The following NUP93 variants were observed in gnomAD, a reference collection of about 807,000 sequenced individuals.
NUP93 encodes nuclear pore complex protein Nup93.
Under a neutral mutation model 107.8 loss-of-function variants are expected in NUP93, and 55 were observed. The ratio of observed to expected loss-of-function variants is 0.51; its 90% CI spans 0.41 to 0.64. The LOEUF (loss-of-function observed/expected upper bound fraction) is 0.64. Ranked by LOEUF, NUP93 falls within the 30% of genes least tolerant of loss-of-function variation. NUP93 has a pLI of 0.00. For synonymous variants in NUP93, 390 were observed against 397.5 expected, an observed-to-expected ratio of 0.98 and a Z score of 0.22; for missense variants, 937 against 1,044.7, an observed-to-expected ratio of 0.90 and a Z score of 1.42.
At chr16:56,776,205 G>A (rs1386940989) in intron 3 of NUP93, among the ~76,000 whole-genome samples, 1 of 150,312 alleles carries the variant, frequency 6.7e-6, no homozygotes, top group Non-Finnish European at 1.5e-5. Context: ...ATTATAACCT[G>A]ATAATGAAAG....
chr16:56,796,846 C>T (rs1265896480), intron 3 of NUP93, among the ~76,000 whole-genome samples: 2 of 152,078 alleles, frequency 1.3e-5, no homozygotes, highest in Non-Finnish European at 1.5e-5. Flanking sequence ...AGTGGTGGCA[C>T]GTGCCGGTAG....
At chr16:56,807,242 C>T (rs1963162998) in intron 5 of NUP93, among the ~76,000 whole-genome samples, 2 of 152,220 alleles carry the variant, frequency 1.3e-5, no homozygotes, top group African/African-American at 2.4e-5. Context: ...CAGGAATGCT[C>T]TTCCCCCAAA....
At chr16:56,773,022 C>T (rs1425429173) in intron 3 of NUP93, among the ~76,000 whole-genome samples, 3 of 152,148 alleles carry the variant, frequency 2.0e-5, no homozygotes, top group Admixed American at 2.0e-4. Context: ...CCATAAAAAC[C>T]CAAAAGGAAG....
chr16:56,746,239 A>C (rs1216573764), intron 1 of NUP93, among the ~76,000 whole-genome samples: 2 of 152,126 alleles, frequency 1.3e-5, no homozygotes, highest in East Asian at 1.9e-4. Flanking sequence ...GGTTTCGTGT[A>C]ATTAGTAGAA....
intron 1 of NUP93, among the ~76,000 whole-genome samples, chr16:56,740,170 A>T (rs1307101484): frequency 7.3e-6 from 1 of 136,434 alleles, no homozygotes; most frequent in African/African-American, 2.9e-5. Context: ...CCGGGCGGAG[A>T]CGCTCCTCAC....
At chr16:56,842,212 G>A (rs567207059) in intron 21 of NUP93, among the ~76,000 whole-genome samples, 128 of 152,322 alleles carry the variant, frequency 8.4e-4, no homozygotes, top group Admixed American at 4.2e-3. Context: ...ACACATTAAT[G>A]TGAACCCTTG....
chr16:56,741,872 A>C (rs1173362149), intron 1 of NUP93: 2 of 152,214 alleles, frequency 1.3e-5, no homozygotes, highest in African/African-American at 4.8e-5. Context: ...GTATTGTTTG[A>C]TTATATTGAA....
At chr16:56,789,985 T>C (rs1962720555) in intron 3 of NUP93, among the ~76,000 whole-genome samples, 1 of 152,150 alleles carries the variant, frequency 6.6e-6, no homozygotes, top group Non-Finnish European at 1.5e-5. Context: ...TAATCCCAGC[T>C]ACTCAGGAGG....
intron 3 of NUP93, among the ~76,000 whole-genome samples, chr16:56,791,028 A>G (rs1962750511): frequency 6.6e-6 from 1 of 152,166 alleles, no homozygotes; most frequent in Admixed American, 6.5e-5. Context: ...ATTTCCTATT[A>G]ATTTGTATGT....
At chr16:56,756,157 G>A (rs377074381) in intron 2 of NUP93, among the ~76,000 whole-genome samples, 64 of 151,890 alleles carry the variant, frequency 4.2e-4, no homozygotes, top group African/African-American at 1.5e-3. Context: ...TTTAAGTTCC[G>A]GGATACATGT....
intron 4 of NUP93, 46 bp downstream of exon 4, chr16:56,798,584 A>C: frequency 6.7e-7 from 1 of 1,502,568 alleles, no homozygotes; most frequent in Non-Finnish European, 9.3e-7. Flanking sequence ...TGAGGGCAAG[A>C]GGGCTGGGCG....
intron 3 of NUP93, among the ~76,000 whole-genome samples, chr16:56,770,705 G>A (rs550190622): frequency 6.6e-6 from 1 of 152,106 alleles, no homozygotes; most frequent in Non-Finnish European, 1.5e-5. Context: ...AAATGACAAG[G>A]AAAATTGATA....
intron 4 of NUP93, 45 bp from the exon 5 acceptor site, chr16:56,805,459 T>G: frequency 6.2e-7 from 1 of 1,605,712 alleles, no homozygotes; most frequent in Non-Finnish European, 8.5e-7. Context: ...CATGTTTTTT[T>G]TGTTTTTTTC....
At chr16:56,772,222 A>G (rs1252592106) in intron 3 of NUP93, among the ~76,000 whole-genome samples, 1 of 151,996 alleles carries the variant, frequency 6.6e-6, no homozygotes. Context: ...GTTGGGTAGA[A>G]TTTTTTCTCA....
chr16:56,741,050 T>G (rs960078222), intron 1 of NUP93, among the ~76,000 whole-genome samples: 1 of 151,284 alleles, frequency 6.6e-6, no homozygotes, highest in African/African-American at 2.4e-5. Context: ...AAATTTCTTT[T>G]GAATCACACC....
Position 56,829,094 on chromosome 16 carries a change from C to T in NUP93, c.912C>T (p.Pro304=), listed in dbSNP as rs760689874. 6 of 1,613,094 alleles carry T rather than the reference C, an allele frequency of 3.7e-6. No homozygotes were observed. Among genetic ancestry groups the T allele is most frequent in the South Asian group, 1.1e-5 (1 of 90,638 alleles). ...TCCTGAACATTAAACTGCCAGCTCC[C>T]TTGCCTGGACTACAGGTACTGACAA... is the stretch of plus-strand genomic sequence containing the variant. ...RSFLNIKLPA[P]LPGLQDGEVE... Residue 304 remains proline (P), a synonymous_variant, in exon 9 of 22, where the codon CCC becomes CCT. Transcript: ENST00000308159.
chr16:56,736,622 C>T (rs770956716), intron 1 of NUP93, among the ~76,000 whole-genome samples: 7 of 151,970 alleles, frequency 4.6e-5, no homozygotes, highest in African/African-American at 7.3e-5. Context: ...GGGGCAGAGG[C>T]GGAGGAGGAG....
chr16:56,822,043 T>G (rs905817258), intron 7 of NUP93, among the ~76,000 whole-genome samples: 1 of 150,114 alleles, frequency 6.7e-6, no homozygotes, highest in African/African-American at 2.5e-5. Context: ...TATACTGCCT[T>G]TATTTGTTCT....
At chr16:56,770,011 A>G (rs1159820721) in intron 3 of NUP93, among the ~76,000 whole-genome samples, 2 of 152,262 alleles carry the variant, frequency 1.3e-5, no homozygotes, top group African/African-American at 2.4e-5. Flanking sequence ...ATTTCTCTAC[A>G]GCAAAATTAT....
Sources: allele counts gnomAD v4.1 joint callset (sites outside exome capture counted in the v4.1 genomes callset), GRCh38; gene constraint gnomAD v4.1.1; transcripts MANE v1.5; gene names NCBI Gene and HGNC (gene_info 2026-07-23, HGNC 2026-07-21).